The following HAP1 variants were observed in gnomAD, a reference collection of about 807,000 sequenced individuals.
HAP1 encodes the protein huntingtin-associated protein 1.
A neutral mutation model predicts 60.3 loss-of-function variants in HAP1; 59 were observed. That is an observed-to-expected ratio of 0.98 (90% CI 0.79 to 1.22). The LOEUF (loss-of-function observed/expected upper bound fraction) is 1.22. Among genes scored for constraint, HAP1 ranks in the 50% most tolerant of loss-of-function variants. The pLI is 0.00. For synonymous variants in HAP1, 346 were observed against 330.6 expected, an observed-to-expected ratio of 1.05 and a Z score of -0.50; for missense variants, 825 against 785.3, an observed-to-expected ratio of 1.05 and a Z score of -0.60.
chr17:41,727,891 C>T, intron 7 of HAP1, 55 bp from the exon 8 acceptor site: 3 of 1,063,242 alleles, frequency 2.8e-6, no homozygotes, highest in Admixed American at 3.6e-5. Context: ...ACTCAGGGCA[C>T]CCCCTGCTTC....
At chr17:41,731,153 C>T (rs1339948513) in intron 6 of HAP1, among the ~76,000 whole-genome samples, 5 of 152,080 alleles carry the variant, frequency 3.3e-5, no homozygotes, top group South Asian at 2.1e-4. Context: ...TCAGGTGATC[C>T]GCCGGCCTCA....
intron 2 of HAP1, 47 bp from the exon 3 acceptor site, chr17:41,732,441 C>A (rs552452624): frequency 1.9e-5 from 30 of 1,586,618 alleles, no homozygotes; most frequent in South Asian, 1.0e-4. Flanking sequence ...CCTAAGAGAA[C>A]CTTCCCCATC....
intron 6 of HAP1, 58 bp from the exon 7 acceptor site, chr17:41,728,389 T>C: frequency 1.9e-6 from 3 of 1,560,492 alleles, no homozygotes; most frequent in Middle Eastern, 1.7e-4. Context: ...GGACCAGCTC[T>C]GGCCCTCCCA....
At chr17:41,722,324 C>G (rs1461033509), downstream of HAP1, 1 of 152,244 alleles carries the variant, frequency 6.6e-6, no homozygotes, top group Non-Finnish European at 1.5e-5. Context: ...CTCTCCCATC[C>G]TATCTTTCAC....
In HAP1 at chr17:41,724,729, C is replaced by T. The variant is rs147264849; in HGVS notation, c.1832G>A (p.Arg611Gln). ...CPHGALPAAS[R>Q]TSCRSSCR ...TCGGCACGACGATCTGCAGCTTGTC[C>T]GGCTGGCGGCAGGGAGGGCCCCGTG... The change falls in exon 11 of 11, where the codon CGG becomes CAG. Residue 611 changes from arginine to glutamine, a missense_variant. Transcript: ENST00000347901. The T allele has an allele frequency of 1.0e-4, 161 of 1,594,230 alleles. No individual in the cohort carries two copies. The African/African-American group carries it at 1.2e-3, about 12-fold the overall frequency.
At position 41,732,384 on chromosome 17, in the gene HAP1, G is replaced by T. The variant is rs142535684; in HGVS notation, c.560C>A (p.Pro187His). 3,150 of 1,613,968 alleles carry T rather than the reference G, an allele frequency of 2.0e-3. 5 individuals are homozygous for T. Among genetic ancestry groups the T allele is most frequent in the Non-Finnish European group, 2.4e-3 (2,875 of 1,179,928 alleles). The change falls in exon 3 of 11, where the codon CCT (proline) becomes CAT (histidine). Residue 187 changes from proline to histidine, a missense_variant. Coordinates refer to ENST00000347901, the MANE Select transcript of HAP1 (RefSeq NM_177977.3). The part of the protein sequence containing the change: ...MLYLLEELLP[P>H]VWESVTYGMV... ...CCCATAGGTAACGCTCTCCCAGACA[G>T]GTGGGAGAAGCTGGGGGGGACACAG...
At chr17:41,727,541 G>C in intron 8 of HAP1, 3 of 706,774 alleles carry the variant, frequency 4.2e-6, no homozygotes, top group Non-Finnish European at 5.2e-6. Context: ...GACTCCAAGT[G>C]TCATGTGGGG....
chr17:41,733,052 T>G (rs1912373209), intron 1 of HAP1, among the ~76,000 whole-genome samples: 2 of 36,034 alleles, frequency 5.6e-5, no homozygotes, highest in Non-Finnish European at 1.1e-4. Flanking sequence ...TTTTTTTTTT[T>G]GGTTTTTTTT....
chr17:41,721,288 G>A (rs1243292414), downstream of HAP1: 1 of 152,440 alleles, frequency 6.6e-6, no homozygotes, highest in Non-Finnish European at 1.5e-5. Flanking sequence ...AGTCCCATTT[G>A]CGGGTCCCCT....
rs782734835 is a variant in HAP1, at chr17:41,731,971, G to A, written c.862C>T (p.Leu288=). 41 of 1,090,902 alleles carry A rather than the reference G, an allele frequency of 3.8e-5. 1 individual carries two copies. In the East Asian group the frequency reaches 9.2e-4, roughly 24 times the overall value. The allele number at this position is 1,090,902 out of a possible 1,614,324, so 67.6% of individuals were successfully genotyped here. The change falls in exon 4 of 11, where the codon CTG becomes TTG. Residue 288 remains leucine, a synonymous_variant. Transcript: ENST00000347901. Reference sequence around the variant, plus strand: ...GCATCACAGGGATGAGCACACTGCAGGTCTTCCTCTGCTTCTTCTTCTTCC... The same window carrying A: ...GCATCACAGGGATGAGCACACTGCAAGTCTTCCTCTGCTTCTTCTTCTTCC... ...EQEEEEAEED[L]QCAHPCDAPK...
In HAP1 at chr17:41,731,529, C is replaced by T. The variant is rs781901331; in HGVS notation, c.1033G>A (p.Glu345Lys). Residue 345 changes from glutamate (E) to lysine (K), a missense_variant, in exon 6 of 11, where the codon GAA (glutamate) becomes AAA (lysine). Transcript: ENST00000347901. ...ASQLDTLEDE[E>K]QMLILECVEQ... Reference sequence around the variant, plus strand: ...ACACACTCCAGAATGAGCATCTGTTCCTCATCCTCAAGAGTGTCGAGTTGA... The same window carrying T: ...ACACACTCCAGAATGAGCATCTGTTTCTCATCCTCAAGAGTGTCGAGTTGA... 8 of 1,612,748 alleles carry T rather than the reference C, an allele frequency of 5.0e-6. No homozygotes were observed. Among genetic ancestry groups the T allele is most frequent in the African/African-American group, 1.3e-5 (1 of 74,902 alleles).
downstream of HAP1, among the ~76,000 whole-genome samples, chr17:41,719,596 G>A (rs547773920): frequency 2.8e-4 from 43 of 152,052 alleles, no homozygotes; most frequent in African/African-American, 9.2e-4. Context: ...AGGAGGCTGA[G>A]ACAGGAGAAT....
Position 41,734,592 on chromosome 17 carries a change from G to T in HAP1, c.43C>A (p.Leu15Ile). The change falls in exon 1 of 11, where the codon CTC (leucine) becomes ATC (isoleucine). Residue 15 changes from leucine (L) to isoleucine (I), a missense_variant. Physicochemically the swap from Leu to Ile is conservative, Grantham distance 5. Transcript: ENST00000347901. ...AGTGCTGCTGGGTCCCCGGGTCCGA[G>T]CCGGCTCCCCGCGCAGCACCGGCCC... ...RLGRCCAGSRLGPGDPAALTC... is the reference protein window; with the variant it reads ...RLGRCCAGSRIGPGDPAALTC... The T allele has an allele frequency of 6.3e-7, 1 of 1,578,330 alleles. No individual in the cohort carries two copies. Among genetic ancestry groups the T allele is most frequent in the Non-Finnish European group, 8.6e-7 (1 of 1,163,202 alleles).
At chr17:41,725,750 GAT>G (rs1911576943) in intron 10 of HAP1, 107 bp downstream of exon 10, 1 of 838,258 alleles carries the variant, frequency 1.2e-6, no homozygotes, top group African/African-American at 1.7e-5. Context: ...AGCCAGCCGA[GAT>G]AGCAGGGCCT....
At position 41,731,692 on chromosome 17, in the gene HAP1, G is replaced by A. The variant is rs782300136; in HGVS notation, c.948C>T (p.Ala316=). 1.2e-6 allele frequency: 2 copies of A among 1,614,146 alleles called. No individual in the cohort carries two copies. The highest frequency in any genetic ancestry group is 3.3e-5 in the Admixed American group (2 of 60,012). ...LHQHHCPQLE[A]LQEKLRLLEE... is the part of the protein sequence containing the mutation. ...CCAGCAGCCTCAGCTTCTCCTGCAA[G>A]GCTTCCAGCTGTGGGCAGTGGTGCT... is the stretch of plus-strand genomic sequence containing the variant. Residue 316 remains alanine (A), a synonymous_variant, in exon 5 of 11, where the codon GCC becomes GCT. Transcript: ENST00000347901.
chr17:41,725,199 AC>A (rs1439821221), intron 10 of HAP1, 45 bp from the exon 11 acceptor site: 4 of 1,472,966 alleles, frequency 2.7e-6, no homozygotes, highest in Non-Finnish European at 3.7e-6. Flanking sequence ...GGAAAGTCCA[AC>A]CCCCCAGGCC....
rs782000027 is a variant in HAP1, at chr17:41,728,328, T to G, written c.1073A>C (p.Glu358Ala). The G allele has an allele frequency of 6.2e-7, 1 of 1,613,364 alleles. No individual in the cohort carries two copies. Among genetic ancestry groups the G allele is most frequent in the East Asian group, 2.2e-5 (1 of 44,876 alleles). ...CAGCTCAGCCATCTGTTGGCTGGCC[T>G]CCGCTGGGGAGGGCAGAGGACAGGT... ...LILECVEQFS[E>A]ASQQMAELSE... Residue 358 changes from glutamate to alanine, a missense_variant, in exon 7 of 11, where the codon GAG (glutamate) becomes GCG (alanine). Glu to Ala is a moderately radical substitution (Grantham distance 107). Transcript: ENST00000347901.
rs782796980 is a variant in HAP1 at position 41,734,614 on chromosome 17, G to C, written c.21C>G (p.Gly7=). 3.9e-6 allele frequency: 6 copies of C among 1,550,832 alleles called. No homozygotes were observed. The highest frequency in any genetic ancestry group is 2.3e-5 in the East Asian group (1 of 43,266). The part of the protein sequence containing the change: MRPKRL[G]RCCAGSRLGP... The stretch of plus-strand genomic sequence containing the variant: ...CGAGCCGGCTCCCCGCGCAGCACCG[G>C]CCCAACCTCTTCGGGCGCATCTCGA... The change falls in exon 1 of 11, where the codon GGC becomes GGG. Residue 7 remains glycine (G), a synonymous_variant. Coordinates refer to ENST00000347901, the MANE Select transcript of HAP1 (RefSeq NM_177977.3).
At chr17:41,721,037 G>A (rs894175141), downstream of HAP1, 4 of 152,136 alleles carry the variant, frequency 2.6e-5, no homozygotes, top group African/African-American at 9.7e-5. Flanking sequence ...GACCTCAGGT[G>A]ATCCACCTGC....
Sources: allele counts gnomAD v4.1 joint callset (sites outside exome capture counted in the v4.1 genomes callset), GRCh38; gene constraint gnomAD v4.1.1; transcripts MANE v1.5; gene names NCBI Gene and HGNC (gene_info 2026-07-23, HGNC 2026-07-21).